Variants in IL1RAPL1 observed in about 807,000 individuals in gnomAD.
IL1RAPL1 encodes the protein interleukin 1 receptor accessory protein like 1.
IL1RAPL1 carries 3 observed loss-of-function variants against 48.4 expected under a neutral mutation model. The observed-to-expected ratio is 0.06, with a 90% CI of 0.03 to 0.16. IL1RAPL1 has a LOEUF of 0.16. Among genes scored for constraint, IL1RAPL1 ranks in the 10% least tolerant of loss-of-function variants. IL1RAPL1 has a pLI of 1.00. For synonymous variants in IL1RAPL1, 185 were observed against 187.7 expected (o/e 0.99, Z 0.12); for missense variants, 349 against 530.6 (o/e 0.66, Z 3.36).
chrX:29,102,954 G>A (rs774211215), intron 2 of IL1RAPL1, among the ~76,000 whole-genome samples: 15 of 111,548 alleles, frequency 1.3e-4, no homozygotes, highest in Admixed American at 1.0e-3. Flanking sequence ...ACTATAAAAC[G>A]TTGAATAAAG....
intron 2 of IL1RAPL1, among the ~76,000 whole-genome samples, chrX:29,138,612 TAA>T (rs34928715): frequency 2.1e-5 from 2 of 94,425 alleles, no homozygotes; most frequent in Admixed American, 1.2e-4. Flanking sequence ...TACTAAAAAT[TAA>T]AAAAAAAAAA....
At chrX:29,164,867 G>A (rs1929755801) in intron 2 of IL1RAPL1, among the ~76,000 whole-genome samples, 1 of 110,800 alleles carries the variant, frequency 9.0e-6, no homozygotes, top group African/African-American at 3.3e-5. Flanking sequence ...CTCTTCTATG[G>A]GTATTTTGTT....
chrX:29,146,242 C>T (rs1929348461), intron 2 of IL1RAPL1, among the ~76,000 whole-genome samples: 1 of 111,418 alleles, frequency 9.0e-6, no homozygotes, highest in African/African-American at 3.3e-5. Context: ...TGCAGGAACA[C>T]TCCTGCCTCT....
At chrX:29,715,737 C>G (rs757985589) in intron 6 of IL1RAPL1, among the ~76,000 whole-genome samples, 4 of 111,883 alleles carry the variant, frequency 3.6e-5, no homozygotes, top group African/African-American at 6.5e-5. Context: ...GACCATACTT[C>G]TAGGAGACGT....
chrX:29,825,166 C>G (rs375163940), intron 6 of IL1RAPL1, among the ~76,000 whole-genome samples: 1 of 110,691 alleles, frequency 9.0e-6, no homozygotes, highest in South Asian at 3.9e-4. Context: ...TATCTCAGGA[C>G]TATCAACATT....
At chrX:28,695,607 C>G (rs1935221272) in intron 1 of IL1RAPL1, among the ~76,000 whole-genome samples, 1 of 111,594 alleles carries the variant, frequency 9.0e-6, no homozygotes, top group African/African-American at 3.2e-5. Flanking sequence ...TTTGGACAAC[C>G]TTACATACCT....
intron 2 of IL1RAPL1, among the ~76,000 whole-genome samples, chrX:28,964,494 T>C (rs1455968474): frequency 8.9e-6 from 1 of 111,893 alleles, no homozygotes; most frequent in Non-Finnish European, 1.9e-5. Context: ...ATGCATGATA[T>C]GGTGCTTATT....
intron 8 of IL1RAPL1, among the ~76,000 whole-genome samples, chrX:29,936,167 G>A (rs1314996711): frequency 9.2e-6 from 1 of 109,272 alleles, no homozygotes; most frequent in Non-Finnish European, 1.9e-5. Context: ...GAGTATCTTT[G>A]TAGGCTGAGC....
chrX:28,607,614 A>G (rs1934099722), intron 1 of IL1RAPL1, among the ~76,000 whole-genome samples: 1 of 111,278 alleles, frequency 9.0e-6, no homozygotes, highest in Non-Finnish European at 1.9e-5. Flanking sequence ...TTAGATCTAA[A>G]TGTTGTAAGT....
At chrX:29,877,448 G>A (rs1219238962) in intron 6 of IL1RAPL1, among the ~76,000 whole-genome samples, 3 of 111,937 alleles carry the variant, frequency 2.7e-5, no homozygotes, top group Non-Finnish European at 5.6e-5. Flanking sequence ...CAAGTTTGTA[G>A]AAGGGTCAAA....
chrX:29,839,437 A>G (rs1931086651), intron 6 of IL1RAPL1, among the ~76,000 whole-genome samples: 2 of 112,518 alleles, frequency 1.8e-5, no homozygotes, highest in African/African-American at 3.2e-5. Context: ...ACTGACCTCT[A>G]TAGTTATTCA....
chrX:29,813,557 GCTTT>G, intron 6 of IL1RAPL1, among the ~76,000 whole-genome samples: 1 of 111,300 alleles, frequency 9.0e-6, no homozygotes, highest in Non-Finnish European at 1.9e-5. Context: ...AATGCTGGCT[GCTTT>G]CATTTTTTAT....
intron 6 of IL1RAPL1, among the ~76,000 whole-genome samples, chrX:29,725,945 T>C (rs190604244): frequency 1.8e-5 from 2 of 112,270 alleles, no homozygotes; most frequent in Admixed American, 1.9e-4. Context: ...TTCTCACTGA[T>C]AGCAGATTTG....
At chrX:28,973,031 C>A (rs549023819) in intron 2 of IL1RAPL1, among the ~76,000 whole-genome samples, 2 of 111,964 alleles carry the variant, frequency 1.8e-5, no homozygotes, top group African/African-American at 6.5e-5. Context: ...ATCTACTAAT[C>A]TCTCCAGGTT....
chrX:29,081,978 T>G (rs1927853766), intron 2 of IL1RAPL1, among the ~76,000 whole-genome samples: 1 of 111,107 alleles, frequency 9.0e-6, no homozygotes, highest in African/African-American at 3.3e-5. Flanking sequence ...ACAAATTCTC[T>G]TATGAAATTA....
At chrX:29,573,941 G>A (rs1223580588) in intron 5 of IL1RAPL1, among the ~76,000 whole-genome samples, 2 of 111,434 alleles carry the variant, frequency 1.8e-5, no homozygotes, top group Non-Finnish European at 3.8e-5. Context: ...GGTGTTCCTA[G>A]GTGCAGGGAC....
At chrX:28,782,484 A>C (rs768974504) in intron 1 of IL1RAPL1, among the ~76,000 whole-genome samples, 64 of 111,864 alleles carry the variant, frequency 5.7e-4, no homozygotes, top group African/African-American at 2.0e-3. Flanking sequence ...TCTCTTTCTA[A>C]TATTTACAGT....
chrX:29,164,087 G>A (rs745813412), intron 2 of IL1RAPL1, among the ~76,000 whole-genome samples: 81 of 111,858 alleles, frequency 7.2e-4, no homozygotes, highest in Non-Finnish European at 1.4e-3. Flanking sequence ...TAAGGAAGGT[G>A]AAAGTGGCAA....
chrX:29,741,935 G>GACA (rs1928214691), intron 6 of IL1RAPL1, among the ~76,000 whole-genome samples: 1 of 61,834 alleles, frequency 1.6e-5, no homozygotes, highest in Admixed American at 2.1e-4. Flanking sequence ...AAAAAAAAAA[G>GACA]AAAAAAAAAA....
Sources: gnomAD v4.1 joint callset for allele counts (sites outside exome capture counted in the v4.1 genomes callset) on GRCh38, gnomAD v4.1.1 for gene constraint, MANE v1.5 for transcripts, NCBI Gene and HGNC (gene_info 2026-07-23, HGNC 2026-07-21) for gene names.